Variants in SCNN1B observed in about 807,000 individuals in gnomAD.
SCNN1B encodes epithelial sodium channel subunit beta.
Under a neutral mutation model 65.3 loss-of-function variants are expected in SCNN1B, and 46 were observed. The ratio of observed to expected loss-of-function variants is 0.70; its 90% CI spans 0.56 to 0.90. The LOEUF (loss-of-function observed/expected upper bound fraction) is 0.90. Ranked by LOEUF, SCNN1B falls within the 40% of genes least tolerant of loss-of-function variation. The pLI is 0.00. For missense variants in SCNN1B, 751 were observed against 830.5 expected (o/e 0.90, Z 1.18); for synonymous variants, 349 against 330.6 (o/e 1.06, Z -0.60).
At chr16:23,297,908 C>A (rs1341116308), upstream of SCNN1B, among the ~76,000 whole-genome samples, 5 of 152,124 alleles carry the variant, frequency 3.3e-5, no homozygotes. Flanking sequence ...TTGGTGTCCC[C>A]AACTCTCCCA....
chr16:23,318,640 A>G (rs912883671), intron 1 of SCNN1B, among the ~76,000 whole-genome samples: 4 of 152,138 alleles, frequency 2.6e-5, no homozygotes, highest in South Asian at 2.1e-4. Flanking sequence ...AAAGACTATA[A>G]TAATATGCAT....
rs57483761 is a variant in SCNN1B, at chr16:23,333,149, AGAAGGAAGGAAGGAAG to A, written c.-8-15394_-8-15379del. On this transcript the variant is annotated intron_variant, in intron 1 of 12. Coordinates refer to ENST00000343070, the MANE Select transcript of SCNN1B (RefSeq NM_000336.3). The stretch of plus-strand genomic sequence containing the variant: ...AGGGAGGGAGGGAGGAAGGAAGGAA[AGAAGGAAGGAAGGAAG>A]GAAGGAAGGAAGGAAGGAAGGAAGG... Among the ~76,000 whole-genome samples, 250 of 89,518 alleles carry A rather than the reference AGAAGGAAGGAAGGAAG, an allele frequency of 2.8e-3. 2 individuals are homozygous for A. Among genetic ancestry groups the A allele is most frequent in the African/African-American group, 6.8e-3 (142 of 20,888 alleles). 58.7% of individuals were successfully genotyped at this position (89,518 alleles called of 152,430 possible).
rs574644686 is a variant in SCNN1B, at chr16:23,375,939, G to GC, written c.1270+87dup. The GC allele has an allele frequency of 1.4e-4, 135 of 969,506 alleles. 2 individuals are homozygous for GC. The South Asian group carries it at 1.6e-3, about 11-fold the overall frequency. The allele number at this position is 969,506 out of a possible 1,614,324, so 60.1% of individuals were successfully genotyped here. On this transcript the variant is annotated intron_variant, in intron 8 of 12. Transcript: ENST00000343070. ...CATAGAGGAGGAGGCAGAGCTCAGT[G>GC]CCCTCAGCAGAGTCCAGAGATGTGC...
Position 23,352,971 on chromosome 16 carries a change from C to G in SCNN1B, c.482C>G (p.Pro161Arg), listed in dbSNP as rs758639448. The G allele has an allele frequency of 6.2e-7, 1 of 1,614,186 alleles. No individual in the cohort carries two copies. ...VLIDERNPHH[P>R]MVLDLFGDNH... ...ATTGATGAACGGAACCCCCACCACC[C>G]CATGGTCCTTGATCTCTTTGGAGAC... Residue 161 changes from proline to arginine, a missense_variant, in exon 3 of 13, where the codon CCC becomes CGC. Physicochemically the swap from Pro to Arg is moderately radical, Grantham distance 103. Coordinates refer to ENST00000343070, the MANE Select transcript of SCNN1B (RefSeq NM_000336.3).
chr16:23,309,346 G>A (rs937594726), intron 1 of SCNN1B, among the ~76,000 whole-genome samples: 2 of 152,078 alleles, frequency 1.3e-5, no homozygotes, highest in Admixed American at 6.6e-5. Context: ...AACTGTATTA[G>A]TTAGGGTTCT....
In SCNN1B at chr16:23,319,242, G is replaced by A. The variant is rs562088220; in HGVS notation, c.-9+16805G>A. ...TTTTTAGTGGAGACAGGGTTTCACC[G>A]TGTTAGCCAGGATGGTCTCAGTCTT... On this transcript the variant is annotated intron_variant, in intron 1 of 12. Transcript: ENST00000343070. Among the ~76,000 whole-genome samples, 9 of 152,142 alleles carry A rather than the reference G, an allele frequency of 5.9e-5. No homozygotes were observed. The South Asian group carries it at 1.7e-3, about 28-fold the overall frequency.
chr16:23,308,073 G>A (rs951041765), intron 1 of SCNN1B, among the ~76,000 whole-genome samples: 5 of 151,402 alleles, frequency 3.3e-5, no homozygotes, highest in East Asian at 1.9e-4. Flanking sequence ...GTGTGGTGGC[G>A]CATGCCTGTA....
intron 1 of SCNN1B, among the ~76,000 whole-genome samples, chr16:23,333,135 G>GGAAGGAAAGAAGGA (rs1961854781): frequency 1.1e-5 from 1 of 88,162 alleles, no homozygotes; most frequent in Admixed American, 1.2e-4. Flanking sequence ...GGGAGGGAGG[G>GGAAGGAAAGAAGGA]AGGAAGGAAG....
At chr16:23,376,049 C>A (rs780439613) in intron 8 of SCNN1B, among the ~76,000 whole-genome samples, 194 bp downstream of exon 8, 3 of 152,264 alleles carry the variant, frequency 2.0e-5, no homozygotes, top group Non-Finnish European at 4.4e-5. Context: ...CTTCTCTCTG[C>A]TCCTCAATTT....
chr16:23,337,374 C>CTTTTT (rs11455298), intron 1 of SCNN1B, among the ~76,000 whole-genome samples: 1 of 134,108 alleles, frequency 7.5e-6, no homozygotes, highest in African/African-American at 2.8e-5. Flanking sequence ...CTCTTTCTTT[C>CTTTTT]TTTTTTTTTT....
chr16:23,375,075 C>G (rs1962865382), intron 7 of SCNN1B, among the ~76,000 whole-genome samples: 1 of 152,060 alleles, frequency 6.6e-6, no homozygotes. Context: ...TGGACTGAAA[C>G]CAGGTCAGAA....
intron 2 of SCNN1B, among the ~76,000 whole-genome samples, chr16:23,289,928 G>A (rs1192295487): frequency 2.6e-5 from 4 of 151,786 alleles, no homozygotes; most frequent in African/African-American, 4.8e-5. Context: ...CACCCACCTC[G>A]GCCTCCCAAA....
At chr16:23,314,557 G>A (rs960164320) in intron 1 of SCNN1B, among the ~76,000 whole-genome samples, 1 of 152,092 alleles carries the variant, frequency 6.6e-6, no homozygotes, top group Non-Finnish European at 1.5e-5. Context: ...ATCCCACTCT[G>A]TTCACCCCAG....
chr16:23,317,249 T>G (rs982049272), intron 1 of SCNN1B, among the ~76,000 whole-genome samples: 3 of 152,154 alleles, frequency 2.0e-5, no homozygotes, highest in Non-Finnish European at 4.4e-5. Context: ...AGCTAATGCC[T>G]GTGAGGCCCT....
At chr16:23,281,186 A>G (rs1960778628) in intron 1 of SCNN1B, among the ~76,000 whole-genome samples, 1 of 152,184 alleles carries the variant, frequency 6.6e-6, no homozygotes, top group Non-Finnish European at 1.5e-5. Context: ...TAATCCCAAC[A>G]CTTTGGGAGG....
chr16:23,293,225 A>C (rs1484281146), intron 2 of SCNN1B, among the ~76,000 whole-genome samples: 1 of 151,770 alleles, frequency 6.6e-6, no homozygotes, highest in African/African-American at 2.4e-5. Flanking sequence ...TACTCATAGG[A>C]GCATTATTCA....
chr16:23,305,544 A>AT (rs1961182740), intron 1 of SCNN1B, among the ~76,000 whole-genome samples: 1 of 30,640 alleles, frequency 3.3e-5, no homozygotes, highest in African/African-American at 4.3e-4. Flanking sequence ...TTATATATAT[A>AT]TATATATATA....
intron 4 of SCNN1B, among the ~76,000 whole-genome samples, chr16:23,365,567 G>GAA (rs758983644): frequency 1.2e-5 from 1 of 83,248 alleles, no homozygotes; most frequent in Non-Finnish European, 2.1e-5. Flanking sequence ...GAGAAAGAAA[G>GAA]AAAGAAAGAA....
rs771583284 is a variant in SCNN1B, at chr16:23,377,302, C to T, written c.1347-27C>T. 19 of 1,614,016 alleles carry T rather than the reference C, an allele frequency of 1.2e-5. No homozygotes were observed. In the Admixed American group the frequency reaches 3.2e-4, roughly 27 times the overall value. On this transcript the variant is annotated intron_variant, in intron 9 of 12. Coordinates refer to ENST00000343070, the MANE Select transcript of SCNN1B (RefSeq NM_000336.3). ...ATGGAGGGGCATCACTGGCAGGGACCACAACAGGCCTGGCCTTCTCTTTCA... is the reference window on the plus strand; with the variant it reads ...ATGGAGGGGCATCACTGGCAGGGACTACAACAGGCCTGGCCTTCTCTTTCA...
Sources: allele counts gnomAD v4.1 joint callset (sites outside exome capture counted in the v4.1 genomes callset), GRCh38; gene constraint gnomAD v4.1.1; transcripts MANE v1.5; gene names NCBI Gene and HGNC (gene_info 2026-07-23, HGNC 2026-07-21).